Variants in PTPRT observed in about 807,000 individuals in gnomAD.
PTPRT encodes receptor-type tyrosine-protein phosphatase T.
Under a neutral mutation model 176.8 loss-of-function variants are expected in PTPRT, and 56 were observed. The observed-to-expected ratio is 0.32, with a 90% CI of 0.26 to 0.40. The LOEUF (loss-of-function observed/expected upper bound fraction) is 0.40. Ranked by LOEUF, PTPRT falls within the 10% of genes least tolerant of loss-of-function variation. The pLI is 1.00. For synonymous variants in PTPRT, 783 were observed against 739.0 expected (o/e 1.06, Z -0.96); for missense variants, 1,540 against 1,908.2 (o/e 0.81, Z 3.60).
At chr20:42,163,776 G>A (rs1193045541) in intron 16 of PTPRT, among the ~76,000 whole-genome samples, 1 of 152,224 alleles carries the variant, frequency 6.6e-6, no homozygotes, top group East Asian at 1.9e-4. Context: ...TGTAACAGAT[G>A]GTGCAAGGCA....
chr20:42,603,423 G>C (rs771436301), intron 7 of PTPRT, among the ~76,000 whole-genome samples: 2 of 152,096 alleles, frequency 1.3e-5, no homozygotes, highest in Non-Finnish European at 2.9e-5. Flanking sequence ...AACGCAAACA[G>C]GCAAAAAACT....
At chr20:42,481,573 T>C (rs1273923301) in intron 7 of PTPRT, among the ~76,000 whole-genome samples, 2 of 152,102 alleles carry the variant, frequency 1.3e-5, no homozygotes, top group African/African-American at 4.8e-5. Context: ...TTGATCAAGA[T>C]ATGGTATCAG....
intron 7 of PTPRT, among the ~76,000 whole-genome samples, chr20:42,547,855 G>A (rs1451441392): frequency 3.3e-5 from 5 of 151,848 alleles, no homozygotes; most frequent in Non-Finnish European, 7.4e-5. Flanking sequence ...CAAACTATTA[G>A]AATCAATAAG....
At chr20:43,063,934 T>A (rs1987572716) in intron 1 of PTPRT, among the ~76,000 whole-genome samples, 1 of 152,126 alleles carries the variant, frequency 6.6e-6, no homozygotes, top group African/African-American at 2.4e-5. Context: ...CTACTTGGAC[T>A]CCTCAGGAAA....
intron 7 of PTPRT, among the ~76,000 whole-genome samples, chr20:42,587,962 T>C (rs894660736): frequency 3.9e-4 from 60 of 152,260 alleles, no homozygotes; most frequent in African/African-American, 1.3e-3. Context: ...ATACCTGCTG[T>C]CATGATGGTC....
At chr20:42,299,590 GGAATAAA>G (rs996398915) in intron 12 of PTPRT, among the ~76,000 whole-genome samples, 2 of 148,274 alleles carry the variant, frequency 1.3e-5, no homozygotes, top group Admixed American at 1.3e-4. Context: ...AGTGAAGGCT[GGAATAAA>G]CTCCTTGATG....
chr20:42,124,679 A>G (rs1987765128), intron 19 of PTPRT, among the ~76,000 whole-genome samples: 1 of 152,188 alleles, frequency 6.6e-6, no homozygotes, highest in South Asian at 2.1e-4. Flanking sequence ...TGGAGTGAGG[A>G]CCTAGTTAGC....
At chr20:42,479,590 C>T (rs562099726) in intron 7 of PTPRT, among the ~76,000 whole-genome samples, 1 of 152,276 alleles carries the variant, frequency 6.6e-6, no homozygotes, top group East Asian at 1.9e-4. Context: ...GCTTATTTTC[C>T]ACCACCTCTT....
At chr20:43,049,037 C>T (rs368973644) in intron 1 of PTPRT, among the ~76,000 whole-genome samples, 104 of 152,250 alleles carry the variant, frequency 6.8e-4, no homozygotes, top group African/African-American at 2.4e-3. Flanking sequence ...AACAAGAGAA[C>T]GAAATGAATA....
intron 1 of PTPRT, among the ~76,000 whole-genome samples, chr20:43,039,715 T>A (rs1986527988): frequency 6.6e-6 from 1 of 152,004 alleles, no homozygotes; most frequent in African/African-American, 2.4e-5. Flanking sequence ...AACTAATAGT[T>A]CTGGTGTCCA....
At chr20:42,828,443 C>A (rs1569179203) in intron 2 of PTPRT, among the ~76,000 whole-genome samples, 1 of 152,148 alleles carries the variant, frequency 6.6e-6, no homozygotes, top group Non-Finnish European at 1.5e-5. Context: ...GGGAGAAATC[C>A]AAGCCTGCTG....
intron 8 of PTPRT, among the ~76,000 whole-genome samples, chr20:42,459,233 C>A (rs73271582): frequency 0.14 from 21,649 of 152,216 alleles, 1,701 homozygotes; most frequent in Middle Eastern, 0.19. Flanking sequence ...AGAATGATAA[C>A]TGAATTTGCA....
chr20:42,108,247 T>C (rs1416712727), intron 23 of PTPRT, among the ~76,000 whole-genome samples: 1 of 81,982 alleles, frequency 1.2e-5, no homozygotes, highest in Non-Finnish European at 2.4e-5. Context: ...GACAAAGCTG[T>C]GTTTATTTCA....
At chr20:42,481,802 ACACG>A (rs914152044) in intron 7 of PTPRT, among the ~76,000 whole-genome samples, 77 of 145,872 alleles carry the variant, frequency 5.3e-4, no homozygotes, top group African/African-American at 8.0e-4. Context: ...ACACACACAC[ACACG>A]CGCGCATGTA....
intron 7 of PTPRT, among the ~76,000 whole-genome samples, chr20:42,507,883 C>T (rs1278806528): frequency 6.6e-6 from 1 of 150,792 alleles, no homozygotes; most frequent in Non-Finnish European, 1.5e-5. Context: ...ACAAAATAAC[C>T]TTCTAGAAAA....
chr20:42,329,046 T>G (rs1472391612), intron 11 of PTPRT, among the ~76,000 whole-genome samples: 1 of 152,042 alleles, frequency 6.6e-6, no homozygotes, highest in African/African-American at 2.4e-5. Flanking sequence ...AGGGGACAGA[T>G]AGCAGAAGAC....
intron 2 of PTPRT, among the ~76,000 whole-genome samples, chr20:42,823,656 A>G (rs1354056707): frequency 6.6e-6 from 1 of 152,204 alleles, no homozygotes; most frequent in Non-Finnish European, 1.5e-5. Context: ...AACATCATAT[A>G]TAAGAGTCAA....
chr20:42,179,296 T>G (rs1324672245), intron 16 of PTPRT, among the ~76,000 whole-genome samples: 3 of 152,226 alleles, frequency 2.0e-5, no homozygotes, highest in African/African-American at 7.2e-5. Context: ...TTAATAAAAG[T>G]TTTTTAATTC....
intron 19 of PTPRT, among the ~76,000 whole-genome samples, chr20:42,126,260 T>C (rs1448090879): frequency 6.6e-6 from 1 of 152,144 alleles, no homozygotes; most frequent in Non-Finnish European, 1.5e-5. Flanking sequence ...CAAGAGTGAC[T>C]CATTAAGAGC....
Sources: gnomAD v4.1 joint callset for allele counts (sites outside exome capture counted in the v4.1 genomes callset) on GRCh38, gnomAD v4.1.1 for gene constraint, MANE v1.5 for transcripts, NCBI Gene and HGNC (gene_info 2026-07-23, HGNC 2026-07-21) for gene names.